The following GGCX variants were observed in gnomAD, a reference collection of about 807,000 sequenced individuals.
GGCX encodes the protein gamma-glutamyl carboxylase, also known as vitamin K-dependent gamma-carboxylase.
GGCX carries 63 observed loss-of-function variants against 88.5 expected under a neutral mutation model. That is an observed-to-expected ratio of 0.71 (90% CI 0.58 to 0.88). The LOEUF (loss-of-function observed/expected upper bound fraction) is 0.88, where lower values mean the gene tolerates loss of function less well. Among genes scored for constraint, GGCX ranks in the 40% least tolerant of loss-of-function variants. The probability of loss-of-function intolerance (pLI) is 0.00; values close to 1 mark genes in which losing one functional copy is unlikely to be tolerated. For synonymous variants in GGCX, 368 were observed against 365.8 expected (o/e 1.01, Z -0.07); for missense variants, 805 against 932.9 (o/e 0.86, Z 1.79).
chr2:85,552,828 G>A, intron 9 of GGCX, 111 bp downstream of exon 9: 1 of 1,230,868 alleles, frequency 8.1e-7, no homozygotes. Flanking sequence ...TTGAGAAAAG[G>A]CAAAGCAGAC....
In GGCX at chr2:85,549,641, G is replaced by T; in HGVS notation, c.*293C>A. On this transcript the variant is annotated 3_prime_UTR_variant, in exon 15 of 15. Transcript: ENST00000233838. ...CTCCCAAAATGCTGGGATTACAGGC[G>T]TGAGCCACGGCACCCAGCCCCCAAA... The T allele has an allele frequency of 2.6e-6, 1 of 388,568 alleles. No individual in the cohort carries two copies. The highest frequency in any genetic ancestry group is 2.2e-5 in the South Asian group (1 of 44,636). 24.1% of individuals were successfully genotyped at this position (388,568 alleles called of 1,614,324 possible). A position where few individuals can be genotyped will look rare whatever the true frequency, so the allele number is the denominator to read the frequency against.
intron 4 of GGCX, among the ~76,000 whole-genome samples, chr2:85,557,929 C>T (rs1692273011): frequency 6.6e-6 from 1 of 152,136 alleles, no homozygotes; most frequent in African/African-American, 2.4e-5. Context: ...CTCCACCTCC[C>T]CTTAGAGACA....
Position 85,546,173 on chromosome 2 carries a change from T to C in GGCX, c.*3761A>G, listed in dbSNP as rs879391397. On this transcript the variant is annotated 3_prime_UTR_variant, in exon 15 of 15. Transcript: ENST00000233838. ...GCCTGTAATATAGGCCACTATATAG[T>C]AATATAGGCGTGAGCCTATAATCCT... 4.6e-5 allele frequency: 7 copies of C among 152,194 alleles called. No individual in the cohort carries two copies. Among genetic ancestry groups the C allele is most frequent in the Admixed American group, 3.9e-4 (6 of 15,282 alleles). The allele number at this position is 152,194 out of a possible 1,614,324, so 9.4% of individuals were successfully genotyped here.
chr2:85,555,509 G>T lies in GGCX; in HGVS notation c.700C>A (p.Arg234=). 1.3e-6 allele frequency: 2 copies of T among 1,597,734 alleles called. No individual in the cohort carries two copies. The highest frequency in any genetic ancestry group is 8.6e-7 in the Non-Finnish European group (1 of 1,165,106). ...VEGYSMEYLS[R]HWLFSPFKLL... is the part of the protein sequence containing the mutation. ...TTGAAGGGACTGAAGAGCCAGTGCC[G>T]GGACAAATATTCCATGGAATAGCCT... The change falls in exon 6 of 15, where the codon CGG becomes AGG. Residue 234 remains arginine, a synonymous_variant. Transcript: ENST00000233838.
In GGCX at chr2:85,558,424, C is replaced by T. The variant is rs749348369; in HGVS notation, c.539+16G>A. 5 of 1,609,176 alleles carry T rather than the reference C, an allele frequency of 3.1e-6. No individual in the cohort carries two copies. In the South Asian group the frequency reaches 3.3e-5, roughly 11 times the overall value. ...GACCCAGCCAACCCCTCCCCTTTGTCCCCCCTGACTCATACCAGTAGTGGT... is the reference window on the plus strand; with the variant it reads ...GACCCAGCCAACCCCTCCCCTTTGTTCCCCCTGACTCATACCAGTAGTGGT... On this transcript the variant is annotated intron_variant, in intron 4 of 14. Coordinates refer to ENST00000233838, the MANE Select transcript of GGCX (RefSeq NM_000821.7).
intron 4 of GGCX, among the ~76,000 whole-genome samples, chr2:85,556,629 T>C (rs1692216458): frequency 6.6e-6 from 1 of 150,640 alleles, no homozygotes; most frequent in East Asian, 1.9e-4. Flanking sequence ...GTGTATTATC[T>C]TTAAAAAAAA....
intron 7 of GGCX, 80 bp from the exon 8 acceptor site, chr2:85,553,577 C>G (rs1039979983): frequency 1.5e-6 from 2 of 1,350,438 alleles, no homozygotes; most frequent in Admixed American, 3.4e-5. Context: ...AGACTTCTCC[C>G]AGGTGTTCCA....
rs2103933932 is a variant in GGCX at position 85,546,457 on chromosome 2, CTGTA to C, written c.*3473_*3476del. Reference sequence around the variant, plus strand: ...GAAATCTGGGTATGGTAGCTTACACCTGTAATCCCAGCACTTTGGGAGGCTAATG... The same window carrying C: ...GAAATCTGGGTATGGTAGCTTACACCATCCCAGCACTTTGGGAGGCTAATG... On this transcript the variant is annotated 3_prime_UTR_variant, in exon 15 of 15. Transcript: ENST00000233838. 1 of 151,798 alleles carries C rather than the reference CTGTA, an allele frequency of 6.6e-6. No individual in the cohort carries two copies. Among genetic ancestry groups the C allele is most frequent in the African/African-American group, 2.4e-5 (1 of 41,376 alleles). The allele number at this position is 151,798 out of a possible 1,614,324, so 9.4% of individuals were successfully genotyped here. A position where few individuals can be genotyped will look rare whatever the true frequency, so the allele number is the denominator to read the frequency against.
chr2:85,553,643 A>T, intron 7 of GGCX, 146 bp from the exon 8 acceptor site: 2 of 771,378 alleles, frequency 2.6e-6, no homozygotes, highest in Non-Finnish European at 4.3e-6. Flanking sequence ...TCTGTCGCCC[A>T]GGCTGGAGTG....
At chr2:85,561,288 C>T (rs75979607) in intron 1 of GGCX, 98 bp downstream of exon 1, 3 of 669,670 alleles carry the variant, frequency 4.5e-6, no homozygotes, top group Admixed American at 2.7e-5. Flanking sequence ...GACCCCCCCC[C>T]CGCCTCACCG....
rs2103977179 is a variant in GGCX, at chr2:85,556,266, C to A, written c.540-6G>T. On this transcript the variant is annotated splice_polypyrimidine_tract_variant and splice_region_variant and intron_variant, in intron 4 of 14. Transcript: ENST00000233838. ...TCAGCAGACCGTCCACAGACCTACACCGAGGGAGGTAAACATTGAGGGGGG... is the reference window on the plus strand; with the variant it reads ...TCAGCAGACCGTCCACAGACCTACAACGAGGGAGGTAAACATTGAGGGGGG... The A allele has an allele frequency of 1.3e-6, 2 of 1,594,674 alleles. No individual in the cohort carries two copies. The highest frequency in any genetic ancestry group is 8.6e-7 in the Non-Finnish European group (1 of 1,162,338).
At chr2:85,558,819 A>C in intron 3 of GGCX, 98 bp downstream of exon 3, 1 of 1,113,472 alleles carries the variant, frequency 9.0e-7, no homozygotes, top group South Asian at 1.3e-5. Context: ...ATCACAGCAG[A>C]AGTGAAATAA....
At chr2:85,556,833 G>A (rs1692223784) in intron 4 of GGCX, among the ~76,000 whole-genome samples, 1 of 152,210 alleles carries the variant, frequency 6.6e-6, no homozygotes, top group Non-Finnish European at 1.5e-5. Context: ...GTAGAAGCTG[G>A]GAAAGGGGCA....
chr2:85,549,717 C>T lies in GGCX; in HGVS notation c.*217G>A. 2 of 558,786 alleles carry T rather than the reference C, an allele frequency of 3.6e-6. No individual in the cohort carries two copies. Among genetic ancestry groups the T allele is most frequent in the Non-Finnish European group, 3.2e-6 (1 of 315,098 alleles). 34.6% of individuals were successfully genotyped at this position (558,786 alleles called of 1,614,324 possible). A position where few individuals can be genotyped will look rare whatever the true frequency, so the allele number is the denominator to read the frequency against. On this transcript the variant is annotated 3_prime_UTR_variant, in exon 15 of 15. Coordinates refer to ENST00000233838, the MANE Select transcript of GGCX (RefSeq NM_000821.7). ...AGGACAGTTTCACATTGCGTCTAACCTCTTCCTGGCCTCTTAATCTTGGGT... is the reference window on the plus strand; with the variant it reads ...AGGACAGTTTCACATTGCGTCTAACTTCTTCCTGGCCTCTTAATCTTGGGT...
chr2:85,559,632 T>A (rs1420511621), intron 2 of GGCX, among the ~76,000 whole-genome samples: 1 of 152,010 alleles, frequency 6.6e-6, no homozygotes, highest in Non-Finnish European at 1.5e-5. Context: ...GGAGAATCAC[T>A]TGAACCTGGG....
chr2:85,551,191 C>A lies in GGCX; in HGVS notation c.1741-119G>T. On this transcript the variant is annotated intron_variant, in intron 12 of 14. Transcript: ENST00000233838. Reference sequence around the variant, plus strand: ...AATTGTGTTTTGGAATCGAAAGTAACGGACCTCTAGAATCCTGGATGAGGC... The same window carrying A: ...AATTGTGTTTTGGAATCGAAAGTAAAGGACCTCTAGAATCCTGGATGAGGC... 3.9e-6 allele frequency: 4 copies of A among 1,035,522 alleles called. No homozygotes were observed. The South Asian group carries it at 5.2e-5, about 13-fold the overall frequency. The allele number at this position is 1,035,522 out of a possible 1,614,324, so 64.1% of individuals were successfully genotyped here.
chr2:85,550,459 T>C, intron 14 of GGCX, 96 bp downstream of exon 14: 1 of 902,072 alleles, frequency 1.1e-6, no homozygotes, highest in Non-Finnish European at 1.9e-6. Context: ...AAACTGTCCT[T>C]TCCTGTATGA....
At chr2:85,559,101 C>T (rs1166453513) in intron 2 of GGCX, 26 bp from the exon 3 acceptor site, 1 of 1,605,556 alleles carries the variant, frequency 6.2e-7, no homozygotes, top group Non-Finnish European at 8.5e-7. Flanking sequence ...GGGAGTTGGT[C>T]ATTGGGCCTC....
At position 85,545,701 on chromosome 2, in the gene GGCX, C is replaced by G. The variant is rs1261712665; in HGVS notation, c.*4233G>C. The G allele has an allele frequency of 1.4e-5, 2 of 148,112 alleles. No individual in the cohort carries two copies. The highest frequency in any genetic ancestry group is 2.9e-5 in the Non-Finnish European group (2 of 68,022). 9.2% of individuals were successfully genotyped at this position (148,112 alleles called of 1,614,324 possible). On this transcript the variant is annotated 3_prime_UTR_variant, in exon 15 of 15. Coordinates refer to ENST00000233838, the MANE Select transcript of GGCX (RefSeq NM_000821.7). ...TCAACTAAGGTTGAGGGCTTCAAAC[C>G]ATTGAAGGCATAAAAACCGCTAAAA...
Sources: allele counts gnomAD v4.1 joint callset (sites outside exome capture counted in the v4.1 genomes callset), GRCh38; gene constraint gnomAD v4.1.1; transcripts MANE v1.5; gene names NCBI Gene and HGNC (gene_info 2026-07-23, HGNC 2026-07-21).